The following PLCH1 variants were observed in gnomAD, a reference collection of about 807,000 sequenced individuals.
PLCH1 encodes phospholipase C eta 1, also known as 1-phosphatidylinositol 4,5-bisphosphate phosphodiesterase eta-1.
PLCH1 carries 60 observed loss-of-function variants against 126.7 expected under a neutral mutation model. The ratio of observed to expected loss-of-function variants is 0.47; its 90% CI spans 0.38 to 0.59. The LOEUF is 0.59. Ranked by LOEUF, PLCH1 falls within the 20% of genes least tolerant of loss-of-function variation. The pLI, the probability that PLCH1 is intolerant of heterozygous loss-of-function variation, is 0.00. For synonymous variants in PLCH1, 719 were observed against 734.9 expected (o/e 0.98, Z 0.35); for missense variants, 1,723 against 2,040.0 (o/e 0.84, Z 2.99).
chr3:155,596,315 T>C lies in PLCH1; in HGVS notation c.143A>G (p.Lys48Arg). ...TQMIKLKRGTKGLVRLFYLDE... is the reference protein window; with the variant it reads ...TQMIKLKRGTRGLVRLFYLDE... ...CAGGTAAAAGAGGCGGACAAGCCCT[T>C]TGGTTCCACGTTTCAGCTTGATCAT... is the stretch of plus-strand genomic sequence containing the variant. The change falls in exon 3 of 23, where the codon AAA (lysine) becomes AGA (arginine). Residue 48 changes from lysine (K) to arginine (R), a missense_variant. Physicochemically the swap from Lys to Arg is conservative, Grantham distance 26. This residue lies in a region of PLCH1 where 776 missense variants were observed against 1,062.9 expected (regional missense o/e 0.73). Transcript: ENST00000460012. 1 of 1,613,614 alleles carries C rather than the reference T, an allele frequency of 6.2e-7. No individual in the cohort carries two copies. The highest frequency in any genetic ancestry group is 1.3e-5 in the African/African-American group (1 of 75,016).
At chr3:155,600,637 T>G (rs563016667) in intron 2 of PLCH1, among the ~76,000 whole-genome samples, 89 of 151,144 alleles carry the variant, frequency 5.9e-4, no homozygotes, top group African/African-American at 2.1e-3. Context: ...TTGGATACAA[T>G]GCAGCAACAT....
intron 7 of PLCH1, 118 bp from the exon 8 acceptor site, chr3:155,565,236 T>A: frequency 1.5e-6 from 1 of 651,436 alleles, no homozygotes; most frequent in South Asian, 1.9e-5. Context: ...ACCCTCAGGA[T>A]GGCATTTGTG....
intron 2 of PLCH1, among the ~76,000 whole-genome samples, chr3:155,666,116 T>G (rs1742695398): frequency 1.3e-5 from 2 of 152,212 alleles, no homozygotes; most frequent in South Asian, 4.1e-4. Flanking sequence ...ATTATTGCAA[T>G]AAACTTACTT....
intron 21 of PLCH1, among the ~76,000 whole-genome samples, chr3:155,469,230 G>C (rs907364784): frequency 2.6e-5 from 4 of 152,174 alleles, no homozygotes; most frequent in Non-Finnish European, 4.4e-5. Flanking sequence ...CACCGTGTGC[G>C]AGCCGAAGCA....
At chr3:155,680,051 G>T (rs1353983091) in intron 2 of PLCH1, among the ~76,000 whole-genome samples, 2 of 152,012 alleles carry the variant, frequency 1.3e-5, no homozygotes, top group South Asian at 2.1e-4. Context: ...AGTGTCTCTG[G>T]CATAGAAACA....
chr3:155,504,245 A>G (rs1576848330), intron 13 of PLCH1, among the ~76,000 whole-genome samples: 1 of 152,164 alleles, frequency 6.6e-6, no homozygotes, highest in East Asian at 1.9e-4. Flanking sequence ...TAATACACAT[A>G]CCAGTTTTAA....
chr3:155,644,432 C>T (rs1450143605), intron 2 of PLCH1, among the ~76,000 whole-genome samples: 1 of 151,852 alleles, frequency 6.6e-6, no homozygotes, highest in East Asian at 1.9e-4. Flanking sequence ...GCGAAACCCC[C>T]TCGCTACTAA....
intron 2 of PLCH1, chr3:155,676,075 A>G: frequency 6.7e-7 from 1 of 1,483,008 alleles, no homozygotes; most frequent in Non-Finnish European, 9.0e-7. Flanking sequence ...TGGCAAGAGC[A>G]GTACAATTTC....
At chr3:155,711,742 G>A (rs1351782755) in intron 1 of PLCH1, among the ~76,000 whole-genome samples, 1 of 150,638 alleles carries the variant, frequency 6.6e-6, no homozygotes, top group Non-Finnish European at 1.5e-5. Context: ...CATCCACTAG[G>A]CCACAGTATA....
chr3:155,735,898 G>A (rs771175826), intron 1 of PLCH1, among the ~76,000 whole-genome samples: 7 of 152,040 alleles, frequency 4.6e-5, no homozygotes, highest in Non-Finnish European at 7.4e-5. Flanking sequence ...ACTTTTCTAC[G>A]GGAGGAAAAA....
At chr3:155,624,244 C>T (rs1180675055) in intron 2 of PLCH1, among the ~76,000 whole-genome samples, 1 of 152,128 alleles carries the variant, frequency 6.6e-6, no homozygotes, top group South Asian at 2.1e-4. Flanking sequence ...ATTGATGGGA[C>T]GTAGCTCAAA....
At chr3:155,504,841 G>T (rs544779572) in intron 12 of PLCH1, among the ~76,000 whole-genome samples, 1 of 152,290 alleles carries the variant, frequency 6.6e-6, no homozygotes, top group South Asian at 2.1e-4. Context: ...TGGAGAGATG[G>T]ATGCCAGCCA....
intron 2 of PLCH1, among the ~76,000 whole-genome samples, chr3:155,631,428 G>A (rs774893774): frequency 6.6e-6 from 1 of 152,124 alleles, no homozygotes; most frequent in Admixed American, 6.6e-5. Flanking sequence ...GTCAACATCC[G>A]GGAGATGTAG....
chr3:155,592,822 T>C (rs1427968677), intron 4 of PLCH1, among the ~76,000 whole-genome samples: 1 of 152,200 alleles, frequency 6.6e-6, no homozygotes, highest in Non-Finnish European at 1.5e-5. Context: ...TTACCAAATG[T>C]TAAAGAGTTA....
chr3:155,702,975 G>A (rs1248437189), intron 2 of PLCH1, among the ~76,000 whole-genome samples: 3 of 152,162 alleles, frequency 2.0e-5, no homozygotes, highest in African/African-American at 7.2e-5. Context: ...GGAATGTCAA[G>A]AGAACCAACC....
intron 1 of PLCH1, among the ~76,000 whole-genome samples, chr3:155,725,169 C>G (rs886759630): frequency 3.3e-5 from 5 of 151,920 alleles, no homozygotes; most frequent in Admixed American, 1.3e-4. Flanking sequence ...AGGCTTTGAC[C>G]CCAATCCCTT....
At position 155,506,345 on chromosome 3, in the gene PLCH1, C is replaced by CTT. The variant is rs57746252; in HGVS notation, c.1633-1721_1633-1720dup. Among the ~76,000 whole-genome samples, 828 of 130,656 alleles carry CTT rather than the reference C, an allele frequency of 6.3e-3. 11 individuals carry two copies. The highest frequency in any genetic ancestry group is 0.021 in the African/African-American group (726 of 34,104). The allele number at this position is 130,656 out of a possible 152,430, so 85.7% of individuals were successfully genotyped here. On this transcript the variant is annotated intron_variant, in intron 12 of 22. Transcript: ENST00000460012. ...ACATTTTCTATCCCATTCTCACTCTCTTTTTTTTTTTTTTTTTTTATTATA... is the reference window on the plus strand; with the variant it reads ...ACATTTTCTATCCCATTCTCACTCTCTTTTTTTTTTTTTTTTTTTTTATTATA...
intron 21 of PLCH1, among the ~76,000 whole-genome samples, chr3:155,474,279 C>T (rs1314162190): frequency 1.3e-5 from 2 of 148,370 alleles, no homozygotes; most frequent in Non-Finnish European, 3.0e-5. Flanking sequence ...CATGAACAGA[C>T]ACTTCTCAAA....
In PLCH1 at chr3:155,472,125, T is replaced by C. The variant is rs150283389; in HGVS notation, c.2938+13231A>G. On this transcript the variant is annotated intron_variant, in intron 21 of 21. Transcript: ENST00000494598. Reference sequence around the variant, plus strand: ...AGACACAAAAAACCCTTCGAAAAATTAATGAATCCAGGAGCTGGTTTTTTG... The same window carrying C: ...AGACACAAAAAACCCTTCGAAAAATCAATGAATCCAGGAGCTGGTTTTTTG... Among the ~76,000 whole-genome samples the C allele has an allele frequency of 2.4e-3, 364 of 151,990 alleles. 1 individual carries two copies. Among genetic ancestry groups the C allele is most frequent in the Admixed American group, 3.1e-3 (47 of 15,274 alleles).
Sources: allele counts gnomAD v4.1 joint callset (sites outside exome capture counted in the v4.1 genomes callset), GRCh38; gene constraint gnomAD v4.1.1; regional missense constraint gnomAD v4.1.1; transcripts MANE v1.5; gene names NCBI Gene and HGNC (gene_info 2026-07-23, HGNC 2026-07-21).